REPS1: variants seen among roughly 807,000 people sequenced by gnomAD.
The protein encoded by REPS1 is RALBP1 associated Eps domain containing 1.
REPS1 carries 39 observed loss-of-function variants against 100.9 expected under a neutral mutation model. The ratio of observed to expected loss-of-function variants is 0.39; its 90% confidence interval spans 0.30 to 0.50. The LOEUF (loss-of-function observed/expected upper bound fraction) is 0.50. Among genes scored for constraint, REPS1 ranks in the 20% least tolerant of loss-of-function variants. The pLI, the probability that REPS1 is intolerant of heterozygous loss-of-function variation, is 0.86. For synonymous variants in REPS1, 324 were observed against 340.3 expected (o/e 0.95, Z 0.53); for missense variants, 821 against 968.5 (o/e 0.85, Z 2.02).
intron 2 of REPS1, among the ~76,000 whole-genome samples, chr6:138,946,295 T>G (rs1050998284): frequency 6.6e-6 from 1 of 152,202 alleles, no homozygotes; most frequent in Non-Finnish European, 1.5e-5. Context: ...ATCTATCCAC[T>G]GTAGTCTGGC....
rs751904980 is a variant in REPS1, at chr6:138,917,578, G to T, written c.1578C>A (p.Ile526=). 1 of 1,613,426 alleles carries T rather than the reference G, an allele frequency of 6.2e-7. No individual in the cohort carries two copies. Among genetic ancestry groups the T allele is most frequent in the Non-Finnish European group, 8.5e-7 (1 of 1,179,546 alleles). ...SDSFTSDPEQ[I]GSNVTRQRSH... ...ACCTTTGACGAGTTACATTGCTCCC[G>T]ATCTGTTCTGGGTCAGAAGTAAAAG... The change falls in exon 13 of 20, where the codon ATC becomes ATA. Residue 526 remains isoleucine (I), a synonymous_variant. Transcript: ENST00000450536.
At chr6:138,982,560 A>C (rs1052282593) in intron 1 of REPS1, among the ~76,000 whole-genome samples, 1 of 152,210 alleles carries the variant, frequency 6.6e-6, no homozygotes, top group Admixed American at 6.5e-5. Flanking sequence ...TAAAAAACAA[A>C]ATAAACTACT....
chr6:138,922,728 G>A (rs545465266), intron 10 of REPS1, among the ~76,000 whole-genome samples: 6 of 152,268 alleles, frequency 3.9e-5, no homozygotes, highest in South Asian at 2.1e-4. Context: ...ATATGCGGCC[G>A]CTAAAGACTG....
chr6:138,947,732 G>A, intron 2 of REPS1, 58 bp downstream of exon 2: 1 of 1,377,464 alleles, frequency 7.3e-7, no homozygotes, highest in Non-Finnish European at 9.7e-7. Flanking sequence ...CTATTGACTT[G>A]ACTTCATTTG....
At chr6:138,937,705 A>G (rs1241909254) in intron 8 of REPS1, among the ~76,000 whole-genome samples, 2 of 152,222 alleles carry the variant, frequency 1.3e-5, no homozygotes, top group African/African-American at 4.8e-5. Flanking sequence ...TGCACATGTG[A>G]GCAGTGTGGT....
chr6:138,947,877 A>G lies in REPS1; in HGVS notation c.190T>C (p.Phe64Leu). 6.2e-7 allele frequency: 1 copy of G among 1,609,684 alleles called. No individual in the cohort carries two copies. The highest frequency in any genetic ancestry group is 1.1e-5 in the South Asian group (1 of 89,894). The change falls in exon 2 of 20, where the codon TTT becomes CTT. Residue 64 changes from phenylalanine (F) to leucine (L), a missense_variant. By Grantham distance (22) the Phe-to-Leu change is conservative (BLOSUM62 0). Around this residue, in one of 3 missense-constraint regions of REPS1, gnomAD observed 28 missense variants for 65.3 expected, o/e 0.43. Transcript: ENST00000450536. The part of the protein sequence containing the change: ...ELCGATRLGY[F>L]GRSQFYIALK... ...GCAATGTAGAACTGACTTCTTCCAAAATAACCAAGTCTTGTTGCACCACAA... is the reference window on the plus strand; with the variant it reads ...GCAATGTAGAACTGACTTCTTCCAAGATAACCAAGTCTTGTTGCACCACAA...
chr6:138,934,374 A>G (rs1260453398), intron 8 of REPS1: 3 of 469,318 alleles, frequency 6.4e-6, no homozygotes, highest in South Asian at 4.7e-5. Flanking sequence ...AGTTAACCCC[A>G]AAAGGGCTGT....
At chr6:138,906,455 C>CT (rs1425108371) in intron 19 of REPS1, among the ~76,000 whole-genome samples, 18 of 152,286 alleles carry the variant, frequency 1.2e-4, no homozygotes, top group Non-Finnish European at 1.2e-4. Context: ...ATACCACCCT[C>CT]TTTTTTTCCT....
rs182829887 is a variant in REPS1 at position 138,967,987 on chromosome 6, G to A, written c.153+19543C>T. 3.9e-5 allele frequency among the ~76,000 whole-genome samples: 6 copies of A among 152,272 alleles called. 1 individual carries two copies. The highest frequency in any genetic ancestry group is 1.3e-4 in the Admixed American group (2 of 15,298). On this transcript the variant is annotated intron_variant, in intron 1 of 19. Transcript: ENST00000450536. The stretch of plus-strand genomic sequence containing the variant: ...TAAGTACAGATGCTCCTTAACTTAC[G>A]ATGGGGTCACATCCCGATAAACCCA...
intron 1 of REPS1, among the ~76,000 whole-genome samples, chr6:138,986,822 C>T (rs1785285420): frequency 6.6e-6 from 1 of 152,186 alleles, no homozygotes; most frequent in South Asian, 2.1e-4. Context: ...GTTTGCTCCT[C>T]CAGGGCTTCA....
intron 13 of REPS1, 65 bp downstream of exon 13, chr6:138,917,490 A>G: frequency 8.1e-7 from 1 of 1,242,142 alleles, no homozygotes; most frequent in Non-Finnish European, 1.2e-6. Flanking sequence ...TTGGTTCTAA[A>G]TAGTTTTAAA....
chr6:138,920,899 T>C, intron 11 of REPS1, 138 bp downstream of exon 11: 1 of 600,220 alleles, frequency 1.7e-6, no homozygotes, highest in South Asian at 2.1e-5. Context: ...CATAAATAAA[T>C]ATGCATGAAC....
intron 8 of REPS1, among the ~76,000 whole-genome samples, chr6:138,940,317 T>A (rs1782152117): frequency 6.6e-6 from 1 of 152,138 alleles, no homozygotes; most frequent in South Asian, 2.1e-4. Context: ...CAAATGAGAG[T>A]ATAGATGGAA....
At chr6:138,915,654 T>G (rs1170896521) in intron 14 of REPS1, among the ~76,000 whole-genome samples, 2 of 152,058 alleles carry the variant, frequency 1.3e-5, no homozygotes, top group African/African-American at 4.8e-5. Context: ...GGTTTCACCA[T>G]GTTGGCCAGG....
intron 2 of REPS1, among the ~76,000 whole-genome samples, chr6:138,946,908 T>C (rs1782650228): frequency 6.6e-6 from 1 of 152,226 alleles, no homozygotes; most frequent in Admixed American, 6.5e-5. Context: ...CCAAATCTCA[T>C]CTTGAATTGT....
chr6:138,987,891 C>T lies in REPS1; in HGVS notation c.-209G>A, dbSNP rs993523184. 13 of 435,566 alleles carry T rather than the reference C, an allele frequency of 3.0e-5. No individual in the cohort carries two copies. Among genetic ancestry groups the T allele is most frequent in the Non-Finnish European group, 4.5e-5 (12 of 268,132 alleles). 27.0% of individuals were successfully genotyped at this position (435,566 alleles called of 1,614,324 possible). A position where few individuals can be genotyped will look rare whatever the true frequency, so the allele number is the denominator to read the frequency against. ...CCCGGCTGCGCTCGCCGCGCCGCTG[C>T]CTGCGAGGCCCGGCGCGCGGCTGCG... On this transcript the variant is annotated 5_prime_UTR_variant, in exon 1 of 20. Transcript: ENST00000450536.
intron 10 of REPS1, among the ~76,000 whole-genome samples, chr6:138,925,723 G>T (rs1481156634): frequency 6.6e-6 from 1 of 151,242 alleles, no homozygotes; most frequent in Non-Finnish European, 1.5e-5. Flanking sequence ...ACAGGGAGAA[G>T]AACGATTAAC....
In REPS1 at chr6:138,945,263, G is replaced by A. The variant is rs142283202; in HGVS notation, c.584C>T (p.Ala195Val). ...PSGGNSERPL[A>V]GPGPFWSPFG... is the part of the protein sequence containing the mutation. ...GGGAGACCAAAATGGCCCAGGTCCCGCGAGAGGCCTCTCACTATTCCCACC... is the reference window on the plus strand; with the variant it reads ...GGGAGACCAAAATGGCCCAGGTCCCACGAGAGGCCTCTCACTATTCCCACC... The change falls in exon 4 of 20, where the codon GCG (alanine) becomes GTG (valine). Residue 195 changes from alanine to valine, a missense_variant. Physicochemically the swap from Ala to Val is moderately conservative, Grantham distance 64. Around this residue, in one of 3 missense-constraint regions of REPS1, gnomAD observed 757 missense variants for 866.4 expected, o/e 0.87. Transcript: ENST00000450536. 6.2e-5 allele frequency: 100 copies of A among 1,610,862 alleles called. No individual in the cohort carries two copies. The highest frequency in any genetic ancestry group is 7.5e-5 in the Non-Finnish European group (89 of 1,179,350).
At chr6:138,907,419 T>C in intron 19 of REPS1, 76 bp downstream of exon 19, 1 of 1,020,434 alleles carries the variant, frequency 9.8e-7, no homozygotes, top group Non-Finnish European at 1.5e-6. Flanking sequence ...CTTGGAGGTA[T>C]CTGAGGTCAC....
Sources: gnomAD v4.1 joint callset for allele counts (sites outside exome capture counted in the v4.1 genomes callset) on GRCh38, gnomAD v4.1.1 for gene constraint, gnomAD v4.1.1 regional missense constraint, MANE v1.5 for transcripts, NCBI Gene and HGNC (gene_info 2026-07-23, HGNC 2026-07-21) for gene names.